C1GALT1: variants seen among roughly 807,000 people sequenced by gnomAD.
C1GALT1 encodes core 1 synthase, glycoprotein-N-acetylgalactosamine 3-beta-galactosyltransferase 1.
C1GALT1 carries 11 observed loss-of-function variants against 31.0 expected under a neutral mutation model. That is an observed-to-expected ratio of 0.36 (90% CI 0.22 to 0.59). C1GALT1 has a LOEUF of 0.59. Ranked by LOEUF, C1GALT1 falls within the 20% of genes least tolerant of loss-of-function variation. C1GALT1 has a pLI of 0.79. For synonymous variants in C1GALT1, 175 were observed against 143.6 expected, an observed-to-expected ratio of 1.22 and a Z score of -1.56; for missense variants, 424 against 425.2, an observed-to-expected ratio of 1.00 and a Z score of 0.03.
chr7:7,197,899 A>T (rs949647787), intron 1 of C1GALT1, among the ~76,000 whole-genome samples: 3 of 152,180 alleles, frequency 2.0e-5, no homozygotes, highest in African/African-American at 7.2e-5. Context: ...GTATCCTGAG[A>T]CTTTGCTGAA....
intron 2 of C1GALT1, among the ~76,000 whole-genome samples, chr7:7,165,014 C>G (rs562063760): frequency 7.2e-5 from 11 of 152,224 alleles, no homozygotes; most frequent in Admixed American, 4.6e-4. Flanking sequence ...TGCCTGTCAA[C>G]TTTATTCATT....
intron 1 of C1GALT1, among the ~76,000 whole-genome samples, chr7:7,232,202 C>A (rs1398909811): frequency 6.6e-6 from 1 of 152,188 alleles, no homozygotes; most frequent in Non-Finnish European, 1.5e-5. Flanking sequence ...CCAGTGTCTT[C>A]AAACACATAT....
intron 1 of C1GALT1, among the ~76,000 whole-genome samples, chr7:7,226,426 C>T (rs1358777620): frequency 2.0e-5 from 3 of 151,902 alleles, no homozygotes; most frequent in African/African-American, 4.8e-5. Context: ...ACTGACTTCC[C>T]GAAAGCCTGA....
At chr7:7,169,491 C>A (rs897824956) in intron 2 of C1GALT1, among the ~76,000 whole-genome samples, 4 of 151,966 alleles carry the variant, frequency 2.6e-5, no homozygotes, top group Non-Finnish European at 5.9e-5. Context: ...GCAAATGTTC[C>A]AATTTCTCCA....
At chr7:7,226,262 T>C (rs1166594338) in intron 1 of C1GALT1, among the ~76,000 whole-genome samples, 1 of 152,076 alleles carries the variant, frequency 6.6e-6, no homozygotes, top group Non-Finnish European at 1.5e-5. Flanking sequence ...GAAGAGGGAA[T>C]ATATTTTGAA....
At chr7:7,190,945 T>C (rs34419200) in intron 1 of C1GALT1, among the ~76,000 whole-genome samples, 25,750 of 152,114 alleles carry the variant, frequency 0.17, 2,406 homozygotes, top group Middle Eastern at 0.29. Flanking sequence ...ATCATTATCA[T>C]TGATACCTTT....
At chr7:7,182,388 C>G (rs1780622018), upstream of C1GALT1, among the ~76,000 whole-genome samples, 1 of 152,216 alleles carries the variant, frequency 6.6e-6, no homozygotes, top group Non-Finnish European at 1.5e-5. Context: ...AAATCTACTG[C>G]TCGTGCAAGA....
At chr7:7,220,398 C>T (rs548632526) in intron 1 of C1GALT1, among the ~76,000 whole-genome samples, 3 of 152,228 alleles carry the variant, frequency 2.0e-5, no homozygotes, top group Non-Finnish European at 4.4e-5. Context: ...TTCTCCCAGT[C>T]CCCAGACCTG....
chr7:7,246,760 A>G lies in C1GALT1; in HGVS notation c.*3033A>G, dbSNP rs563823803. Reference sequence around the variant, plus strand: ...CTAGTTTGAGAACCAATACCCAACAACCTACGTGATTTTGGTGCAAGTAGT... The same window carrying G: ...CTAGTTTGAGAACCAATACCCAACAGCCTACGTGATTTTGGTGCAAGTAGT... On this transcript the variant is annotated 3_prime_UTR_variant, in exon 4 of 4. Transcript: ENST00000436587. 4 of 152,274 alleles carry G rather than the reference A, an allele frequency of 2.6e-5. No individual in the cohort carries two copies. The highest frequency in any genetic ancestry group is 2.6e-4 in the Admixed American group (4 of 15,288). 9.4% of individuals were successfully genotyped at this position (152,274 alleles called of 1,614,324 possible). A position where few individuals can be genotyped will look rare whatever the true frequency, so the allele number is the denominator to read the frequency against.
At chr7:7,213,812 G>C (rs1782113578) in intron 1 of C1GALT1, among the ~76,000 whole-genome samples, 1 of 152,122 alleles carries the variant, frequency 6.6e-6, no homozygotes, top group Admixed American at 6.5e-5. Flanking sequence ...TTTTACTAAA[G>C]GGCAGATTAG....
chr7:7,194,457 T>G (rs1007133900), intron 1 of C1GALT1, among the ~76,000 whole-genome samples: 22 of 152,272 alleles, frequency 1.4e-4, no homozygotes, highest in Admixed American at 3.3e-4. Flanking sequence ...TTTAATTGTT[T>G]ATGTGGTACA....
chr7:7,191,850 T>C (rs1488713432), intron 1 of C1GALT1, among the ~76,000 whole-genome samples: 11 of 152,134 alleles, frequency 7.2e-5, no homozygotes, highest in Non-Finnish European at 2.9e-5. Flanking sequence ...TTAGGAATTT[T>C]CTATATATTT....
intron 1 of C1GALT1, among the ~76,000 whole-genome samples, chr7:7,231,296 A>G (rs1783061911): frequency 6.6e-6 from 1 of 151,610 alleles, no homozygotes; most frequent in South Asian, 2.1e-4. Context: ...CTTAGGTAAC[A>G]TTTTCTTTTT....
rs1256894429 is a variant in C1GALT1, at chr7:7,210,129, G to A, written c.-17-24174G>A. 5.3e-5 allele frequency among the ~76,000 whole-genome samples: 8 copies of A among 152,288 alleles called. No individual in the cohort carries two copies. The East Asian group carries it at 1.5e-3, about 29-fold the overall frequency. Reference sequence around the variant, plus strand: ...AGGTCACAGGGGATATGATGGCTTAGCTTGGGCTCAGAGGCCTGACAGAAC... The same window carrying A: ...AGGTCACAGGGGATATGATGGCTTAACTTGGGCTCAGAGGCCTGACAGAAC... On this transcript the variant is annotated intron_variant, in intron 1 of 3. Transcript: ENST00000436587.
rs1376629881 is a variant in C1GALT1, at chr7:7,246,187, T to C, written c.*2460T>C. ...GTGTTAATCCTCAAAATTTGGGTGT[T>C]ATACCCCTATTATAGATAAGGAAAC... On this transcript the variant is annotated 3_prime_UTR_variant, in exon 4 of 4. Coordinates refer to ENST00000436587, the MANE Select transcript of C1GALT1 (RefSeq NM_020156.5). 2 of 151,392 alleles carry C rather than the reference T, an allele frequency of 1.3e-5. No homozygotes were observed. The highest frequency in any genetic ancestry group is 2.9e-5 in the Non-Finnish European group (2 of 67,942). The allele number at this position is 151,392 out of a possible 1,614,324, so 9.4% of individuals were successfully genotyped here.
chr7:7,189,595 T>C (rs1428807043), intron 1 of C1GALT1, among the ~76,000 whole-genome samples: 2 of 152,184 alleles, frequency 1.3e-5, no homozygotes, highest in African/African-American at 4.8e-5. Context: ...ATCTTTTTTA[T>C]TATTTATGAT....
In C1GALT1 at chr7:7,166,967, G is replaced by T. The variant is rs1008360767; in HGVS notation, c.-18+9541G>T. 2.6e-5 allele frequency among the ~76,000 whole-genome samples: 4 copies of T among 152,284 alleles called. No individual in the cohort carries two copies. The East Asian group carries it at 7.7e-4, about 29-fold the overall frequency. ...ACATCAATCTTACTTCAAAGACCAA[G>T]ATCTTTCCACTAAACTGTGCTAAGC... On this transcript the variant is annotated intron_variant, in intron 2 of 3. Coordinates refer to the C1GALT1 transcript ENST00000429911.
chr7:7,227,636 C>T (rs908634067), intron 1 of C1GALT1, among the ~76,000 whole-genome samples: 8 of 150,066 alleles, frequency 5.3e-5, no homozygotes, highest in African/African-American at 1.7e-4. Flanking sequence ...AGGAGAATGG[C>T]GTGAACCCGG....
intron 1 of C1GALT1, among the ~76,000 whole-genome samples, chr7:7,206,625 A>T (rs988972490): frequency 6.6e-6 from 1 of 151,198 alleles, no homozygotes; most frequent in South Asian, 2.1e-4. Context: ...GCAGTTAGCC[A>T]CGATCGCGCC....
Sources: gnomAD v4.1 joint callset for allele counts (sites outside exome capture counted in the v4.1 genomes callset) on GRCh38, gnomAD v4.1.1 for gene constraint, MANE v1.5 for transcripts, NCBI Gene and HGNC (gene_info 2026-07-23, HGNC 2026-07-21) for gene names.